Variants in ATP8A2 observed in about 807,000 individuals in gnomAD.
ATP8A2 encodes the protein phospholipid-transporting ATPase IB.
ATP8A2 carries 100 observed loss-of-function variants against 165.6 expected under a neutral mutation model. That is an observed-to-expected ratio of 0.60 (90% CI 0.51 to 0.71). ATP8A2 has a LOEUF of 0.71. Ranked by LOEUF, ATP8A2 falls within the 30% of genes least tolerant of loss-of-function variation. The pLI is 0.00. For synonymous variants in ATP8A2, 543 were observed against 548.8 expected (o/e 0.99, Z 0.15); for missense variants, 1,227 against 1,479.5 (o/e 0.83, Z 2.80).
At chr13:25,678,009 T>C (rs2042406464) in intron 24 of ATP8A2, among the ~76,000 whole-genome samples, 1 of 152,098 alleles carries the variant, frequency 6.6e-6, no homozygotes, top group Non-Finnish European at 1.5e-5. Flanking sequence ...ATTTTAATGA[T>C]GGAAAGAATG....
chr13:25,428,891 C>G (rs1419381254), intron 1 of ATP8A2, among the ~76,000 whole-genome samples: 1 of 152,146 alleles, frequency 6.6e-6, no homozygotes, highest in Non-Finnish European at 1.5e-5. Flanking sequence ...ACATGTGTCA[C>G]TTCTGCTCAA....
intron 27 of ATP8A2, among the ~76,000 whole-genome samples, chr13:25,781,326 C>A (rs911860105): frequency 6.6e-6 from 1 of 151,896 alleles, no homozygotes; most frequent in Non-Finnish European, 1.5e-5. Flanking sequence ...TAATCCAAAA[C>A]GTTTTCAGTA....
chr13:25,879,052 A>G (rs1030171466), intron 33 of ATP8A2, among the ~76,000 whole-genome samples: 5 of 152,224 alleles, frequency 3.3e-5, no homozygotes, highest in East Asian at 3.8e-4. Context: ...TACTTGGTCT[A>G]TGGGGCATGT....
At chr13:25,829,720 A>G (rs1272566389) in intron 28 of ATP8A2, among the ~76,000 whole-genome samples, 9 of 103,560 alleles carry the variant, frequency 8.7e-5, no homozygotes, top group Admixed American at 3.1e-4. Context: ...ATATATATAT[A>G]TCACCTGCTT....
At chr13:25,909,165 G>A (rs1954033508) in intron 33 of ATP8A2, among the ~76,000 whole-genome samples, 1 of 152,114 alleles carries the variant, frequency 6.6e-6, no homozygotes, top group African/African-American at 2.4e-5. Context: ...GTAAATGCTG[G>A]TGTTCTATTG....
intron 24 of ATP8A2, among the ~76,000 whole-genome samples, chr13:25,669,155 G>T (rs1179987412): frequency 6.6e-6 from 1 of 151,836 alleles, no homozygotes; most frequent in African/African-American, 2.4e-5. Flanking sequence ...TTGTTATATG[G>T]TATCCCTGGA....
rs190531150 is a variant in ATP8A2, at chr13:25,636,329, A to G, written c.2211+46630A>G. 1.7e-4 allele frequency among the ~76,000 whole-genome samples: 26 copies of G among 152,290 alleles called. No individual in the cohort carries two copies. In the South Asian group the frequency reaches 2.9e-3, roughly 17 times the overall value. The stretch of plus-strand genomic sequence containing the variant: ...ATGAGTTGACAGATTGTTATATTTT[A>G]TAATGTACAAAATCCTATGCTACTA... On this transcript the variant is annotated intron_variant, in intron 24 of 36. Coordinates refer to ENST00000381655, the MANE Select transcript of ATP8A2 (RefSeq NM_016529.6).
At chr13:25,622,512 G>A (rs1040558897) in intron 24 of ATP8A2, among the ~76,000 whole-genome samples, 2 of 152,086 alleles carry the variant, frequency 1.3e-5, no homozygotes, top group South Asian at 4.1e-4. Flanking sequence ...TTGGGAAATG[G>A]TGAAATAATC....
rs201490647 is a variant in ATP8A2 at position 25,527,431 on chromosome 13, A to G, written c.222-2568A>G. Among the ~76,000 whole-genome samples the G allele has an allele frequency of 1.6e-4, 25 of 152,302 alleles. 1 individual carries two copies. In the East Asian group the frequency reaches 2.3e-3, roughly 14 times the overall value. ...GAGACTGGTGTGTTCGAGAAGTACC[A>G]TCCTGCAATATTCTGGTAGACTCAT... On this transcript the variant is annotated intron_variant, in intron 2 of 36. Coordinates refer to ENST00000381655, the MANE Select transcript of ATP8A2 (RefSeq NM_016529.6).
intron 24 of ATP8A2, among the ~76,000 whole-genome samples, chr13:25,648,746 T>C (rs181149606): frequency 6.6e-6 from 1 of 152,358 alleles, no homozygotes; most frequent in East Asian, 1.9e-4. Flanking sequence ...AAATAATCTC[T>C]AGATTACATG....
chr13:25,602,045 C>G (rs547572030), intron 24 of ATP8A2, among the ~76,000 whole-genome samples: 94 of 152,214 alleles, frequency 6.2e-4, no homozygotes, highest in Admixed American at 2.0e-3. Context: ...TCCTGATACT[C>G]TTGCCTACTT....
In ATP8A2 at chr13:25,836,758, AT is replaced by A. The variant is rs199986478; in HGVS notation, c.2755-403del. ...TTGAATGAATAAATGGATGAAGTAC[AT>A]TATGCTTCCTGAAATTTGAGTATAA... On this transcript the variant is annotated intron_variant, in intron 28 of 36. Coordinates refer to ENST00000381655, the MANE Select transcript of ATP8A2 (RefSeq NM_016529.6). 5.3e-5 allele frequency among the ~76,000 whole-genome samples: 8 copies of A among 152,324 alleles called. No homozygotes were observed. In the East Asian group the frequency reaches 1.4e-3, roughly 26 times the overall value.
chr13:25,480,269 G>A lies in ATP8A2; in HGVS notation c.221+11148G>A, dbSNP rs550164426. On this transcript the variant is annotated intron_variant, in intron 2 of 36. Coordinates refer to ENST00000381655, the MANE Select transcript of ATP8A2 (RefSeq NM_016529.6). ...TGGGCAGAGGCGCCCCTTACCTCCC[G>A]GACGGGGCGGCTGGCCGGGCGGGGG... Among the ~76,000 whole-genome samples, 1,042 of 143,792 alleles carry A rather than the reference G, an allele frequency of 7.2e-3. 5 individuals are homozygous for A. Among genetic ancestry groups the A allele is most frequent in the African/African-American group, 0.019 (721 of 38,732 alleles). The allele number at this position is 143,792 out of a possible 152,430, so 94.3% of individuals were successfully genotyped here.
intron 2 of ATP8A2, among the ~76,000 whole-genome samples, chr13:25,486,149 AGTATTTT>A (rs2036345414): frequency 6.6e-6 from 1 of 152,132 alleles, no homozygotes; most frequent in African/African-American, 2.4e-5. Flanking sequence ...TCCCTTTGCT[AGTATTTT>A]GTATGGATGG....
chr13:25,431,379 C>T (rs186283675), intron 1 of ATP8A2, among the ~76,000 whole-genome samples: 155 of 152,278 alleles, frequency 1.0e-3, no homozygotes, highest in Non-Finnish European at 1.7e-3. Context: ...GAACTCCCGA[C>T]CTCAAGTGGT....
rs1305105527 is a variant in ATP8A2, at chr13:25,561,053, A to AT, written c.1397+1294dup. Among the ~76,000 whole-genome samples the AT allele has an allele frequency of 3.3e-5, 5 of 151,732 alleles. No homozygotes were observed. In the East Asian group the frequency reaches 9.8e-4, roughly 30 times the overall value. ...AGGCGCCCACCACCACACCCAGCTAATTTTTTGTATTTTTAGTAGAGCGGG... is the reference window on the plus strand; with the variant it reads ...AGGCGCCCACCACCACACCCAGCTAATTTTTTTGTATTTTTAGTAGAGCGGG... On this transcript the variant is annotated intron_variant, in intron 15 of 36. Transcript: ENST00000381655.
At chr13:25,393,782 A>G (rs974922699) in intron 1 of ATP8A2, among the ~76,000 whole-genome samples, 3 of 152,186 alleles carry the variant, frequency 2.0e-5, no homozygotes, top group Admixed American at 6.5e-5. Flanking sequence ...GGTTCATTTT[A>G]TGTTGTGCAT....
At chr13:25,923,620 A>G (rs1337004729) in intron 33 of ATP8A2, among the ~76,000 whole-genome samples, 2 of 86,526 alleles carry the variant, frequency 2.3e-5, no homozygotes, top group African/African-American at 8.6e-5. Flanking sequence ...TTCAACCCTT[A>G]GCCTCCATTT....
chr13:25,829,534 C>T (rs188359689), intron 28 of ATP8A2, among the ~76,000 whole-genome samples: 2 of 151,120 alleles, frequency 1.3e-5, no homozygotes, highest in African/African-American at 2.4e-5. Context: ...GAATGCTCCA[C>T]GATTATTCAG....
Sources: allele counts gnomAD v4.1 joint callset (sites outside exome capture counted in the v4.1 genomes callset), GRCh38; gene constraint gnomAD v4.1.1; transcripts MANE v1.5; gene names NCBI Gene and HGNC (gene_info 2026-07-23, HGNC 2026-07-21).